Variants in CEP112 observed in about 807,000 individuals in gnomAD.
CEP112 encodes the protein centrosomal protein of 112 kDa.
Under a neutral mutation model 153.0 loss-of-function variants are expected in CEP112, and 127 were observed. The ratio of observed to expected loss-of-function variants is 0.83; its 90% CI spans 0.72 to 0.96. The LOEUF (loss-of-function observed/expected upper bound fraction) is 0.96, where lower values mean the gene tolerates loss of function less well. CEP112 is among the 40% of genes least tolerant of loss of function. The pLI is 0.00. For synonymous variants in CEP112, 358 were observed against 374.4 expected (o/e 0.96, Z 0.51); for missense variants, 1,089 against 1,101.2 (o/e 0.99, Z 0.16).
At chr17:65,636,308 C>A (rs1192665200) in intron 26 of CEP112, among the ~76,000 whole-genome samples, 1 of 152,178 alleles carries the variant, frequency 6.6e-6, no homozygotes, top group African/African-American at 2.4e-5. Context: ...CCTTTGACTA[C>A]AAAAGGTCTC....
At chr17:65,682,930 T>C (rs1567858116) in intron 24 of CEP112, among the ~76,000 whole-genome samples, 1 of 152,240 alleles carries the variant, frequency 6.6e-6, no homozygotes, top group Non-Finnish European at 1.5e-5. Flanking sequence ...TGTTTTGATG[T>C]TCCCAAGAAC....
intron 8 of CEP112, among the ~76,000 whole-genome samples, chr17:66,078,340 C>A (rs986149868): frequency 2.7e-4 from 40 of 149,650 alleles, no homozygotes; most frequent in African/African-American, 9.5e-4. Flanking sequence ...CTCACTGCAA[C>A]TCTGCATTCC....
chr17:66,040,194 T>A (rs978133634), intron 12 of CEP112, among the ~76,000 whole-genome samples: 3 of 152,206 alleles, frequency 2.0e-5, no homozygotes, highest in African/African-American at 7.2e-5. Flanking sequence ...TTCAGACTAT[T>A]CTGTATCTTT....
chr17:66,009,888 G>C (rs896236410), intron 16 of CEP112, among the ~76,000 whole-genome samples: 1 of 152,160 alleles, frequency 6.6e-6, no homozygotes. Flanking sequence ...TTTGAAGTCA[G>C]GCAATGTGAT....
intron 24 of CEP112, among the ~76,000 whole-genome samples, chr17:65,651,686 TTTCCTTCCTTCC>T (rs149352419): frequency 6.7e-6 from 1 of 149,322 alleles, no homozygotes; most frequent in Middle Eastern, 3.4e-3. Flanking sequence ...TCCTTCCTTC[TTTCCTTCCTTCC>T]TTCCTTTCTT....
chr17:66,185,312 T>A (rs1253888815), intron 1 of CEP112, among the ~76,000 whole-genome samples: 1 of 152,216 alleles, frequency 6.6e-6, no homozygotes, highest in Non-Finnish European at 1.5e-5. Context: ...AACCTCCGCC[T>A]CCTGGGTTCA....
chr17:66,082,365 A>C (rs1200571735), intron 8 of CEP112, among the ~76,000 whole-genome samples: 1 of 152,264 alleles, frequency 6.6e-6, no homozygotes, highest in East Asian at 1.9e-4. Flanking sequence ...TGTGAATGAT[A>C]GGCTAAAGTT....
In CEP112 at chr17:65,689,101, G is replaced by A. The variant is rs199944737; in HGVS notation, c.2697+28C>T. ...TTCTTGACCTAGAGAAAGTAAACAA[G>A]AGAGTCAAATAGTAAAGGAGAGGGT... On this transcript the variant is annotated intron_variant, in intron 24 of 26. Transcript: ENST00000535342. 154 of 1,493,692 alleles carry A rather than the reference G, an allele frequency of 1.0e-4. 1 individual carries two copies. The African/African-American group carries it at 2.0e-3, about 20-fold the overall frequency. 92.5% of individuals were successfully genotyped at this position (1,493,692 alleles called of 1,614,324 possible). A position where few individuals can be genotyped will look rare whatever the true frequency, so the allele number is the denominator to read the frequency against.
rs1037356812 is a variant in CEP112 at position 65,760,700 on chromosome 17, T to C, written c.2395-9976A>G. Among the ~76,000 whole-genome samples, 3 of 152,142 alleles carry C rather than the reference T, an allele frequency of 2.0e-5. No individual in the cohort carries two copies. In the East Asian group the frequency reaches 5.8e-4, roughly 29 times the overall value. The stretch of plus-strand genomic sequence containing the variant: ...TATGTTAATGGAATATAATGGTTAA[T>C]AGATTTTTTTTCTTATAATGCTTCT... On this transcript the variant is annotated intron_variant, in intron 21 of 26. Coordinates refer to ENST00000535342, the MANE Select transcript of CEP112 (RefSeq NM_001199165.4).
chr17:65,862,618 CAACTT>C lies in CEP112; in HGVS notation c.2164-10589_2164-10585del, dbSNP rs530336286. On this transcript the variant is annotated intron_variant, in intron 20 of 26. Transcript: ENST00000535342. ...AATAATAATAATATGTTCCAATTCT[CAACTT>C]GAGTGGTCAGTTCATGATGTTCATT... Among the ~76,000 whole-genome samples, 439 of 152,118 alleles carry C rather than the reference CAACTT, an allele frequency of 2.9e-3. 1 individual carries two copies. The highest frequency in any genetic ancestry group is 1.0e-2 in the African/African-American group (413 of 41,504).
At chr17:65,745,247 T>G (rs769696874) in intron 22 of CEP112, among the ~76,000 whole-genome samples, 2 of 152,250 alleles carry the variant, frequency 1.3e-5, no homozygotes, top group African/African-American at 4.8e-5. Flanking sequence ...AATAACAACA[T>G]GTCAATATTA....
intron 19 of CEP112, among the ~76,000 whole-genome samples, chr17:65,916,264 T>TGG (rs1184662389): frequency 7.1e-6 from 1 of 141,518 alleles, no homozygotes; most frequent in Non-Finnish European, 1.5e-5. Context: ...TGTGTGTGTG[T>TGG]GTGTGTGTGT....
At chr17:66,062,924 A>G (rs774400869) in intron 11 of CEP112, 39 bp downstream of exon 11, 1 of 1,034,424 alleles carries the variant, frequency 9.7e-7, no homozygotes, top group Admixed American at 2.4e-5. Context: ...TTGGAAGCAT[A>G]AACTTTTATG....
chr17:65,730,664 C>T (rs1294301472), intron 23 of CEP112, among the ~76,000 whole-genome samples: 1 of 152,098 alleles, frequency 6.6e-6, no homozygotes, highest in Non-Finnish European at 1.5e-5. Context: ...GCTACTAAAA[C>T]ACCACAATGA....
At chr17:65,774,879 G>T (rs1198964671) in intron 21 of CEP112, among the ~76,000 whole-genome samples, 1 of 152,188 alleles carries the variant, frequency 6.6e-6, no homozygotes, top group Non-Finnish European at 1.5e-5. Context: ...CATATCAGCA[G>T]GAAGGGTTCA....
At chr17:66,098,531 C>CA (rs1479157976) in intron 6 of CEP112, among the ~76,000 whole-genome samples, 1 of 151,888 alleles carries the variant, frequency 6.6e-6, no homozygotes, top group Non-Finnish European at 1.5e-5. Context: ...ATCAATTAAT[C>CA]AAAAAATGTA....
chr17:65,971,364 T>C (rs2062786898), intron 17 of CEP112, among the ~76,000 whole-genome samples: 1 of 152,230 alleles, frequency 6.6e-6, no homozygotes, highest in Admixed American at 6.5e-5. Flanking sequence ...AACACATGTA[T>C]ATCGCATGTA....
intron 16 of CEP112, among the ~76,000 whole-genome samples, chr17:66,027,044 C>A (rs2145685627): frequency 6.6e-6 from 1 of 152,168 alleles, no homozygotes; most frequent in African/African-American, 2.4e-5. Context: ...GAAAAATAAG[C>A]AAAATTTAAT....
chr17:65,826,500 C>A (rs2056846645), intron 21 of CEP112: 8 of 1,420,252 alleles, frequency 5.6e-6, no homozygotes, highest in African/African-American at 1.5e-5. Flanking sequence ...GAGATAGTGA[C>A]ATCACAACCA....
Sources: allele counts gnomAD v4.1 joint callset (sites outside exome capture counted in the v4.1 genomes callset), GRCh38; gene constraint gnomAD v4.1.1; transcripts MANE v1.5; gene names NCBI Gene and HGNC (gene_info 2026-07-23, HGNC 2026-07-21).